The following TMEM106B variants were observed in gnomAD, a reference collection of about 807,000 sequenced individuals.
TMEM106B encodes transmembrane protein 106B.
In TMEM106B, 15 loss-of-function variants were observed where a neutral mutation model predicts 31.1. The observed-to-expected ratio is 0.48, with a 90% confidence interval of 0.32 to 0.74. The LOEUF (loss-of-function observed/expected upper bound fraction) is 0.74, where lower values mean the gene tolerates loss of function less well. Ranked by LOEUF, TMEM106B falls within the 30% of genes least tolerant of loss-of-function variation. The probability of loss-of-function intolerance (pLI) is 0.03; values close to 1 mark genes in which losing one functional copy is unlikely to be tolerated. For synonymous variants in TMEM106B, 126 were observed against 112.5 expected (o/e 1.12, Z -0.76); for missense variants, 283 against 327.3 (o/e 0.86, Z 1.04).
intron 4 of TMEM106B, among the ~76,000 whole-genome samples, chr7:12,228,395 T>G (rs1781947587): frequency 6.6e-6 from 1 of 151,960 alleles, no homozygotes; most frequent in South Asian, 2.1e-4. Flanking sequence ...AGTACTTATT[T>G]ATGTGCATCT....
intron 4 of TMEM106B, 73 bp downstream of exon 4, chr7:12,224,458 T>C: frequency 1.6e-6 from 2 of 1,265,806 alleles, no homozygotes; most frequent in Non-Finnish European, 2.2e-6. Flanking sequence ...TTGTCCCCAT[T>C]GAGAAGAGAT....
rs539583261 is a variant in TMEM106B at position 12,230,950 on chromosome 7, A to G, written c.633-112A>G. ...TTGAAGTATAGAAAATTCTCAACCA[A>G]CAAATGCTTATTATATTTCTTAGCA... On this transcript the variant is annotated intron_variant, in intron 6 of 7. Transcript: ENST00000396668. 1.7e-5 allele frequency: 12 copies of G among 695,628 alleles called. No individual in the cohort carries two copies. In the African/African-American group the frequency reaches 1.8e-4, roughly 11 times the overall value. 43.1% of individuals were successfully genotyped at this position (695,628 alleles called of 1,614,324 possible).
At position 12,243,122 on chromosome 7, in the gene TMEM106B, C is replaced by T. The variant is rs1195808685; in HGVS notation, c.*11147C>T. The T allele has an allele frequency of 6.6e-6, 1 of 151,654 alleles. No homozygotes were observed. The highest frequency in any genetic ancestry group is 1.5e-5 in the Non-Finnish European group (1 of 67,840). The allele number at this position is 151,654 out of a possible 1,614,324, so 9.4% of individuals were successfully genotyped here. ...ATTTATATAAATATTGTTACTTTACCACTAGTGATTTCAATAGTGGCATTG... is the reference window on the plus strand; with the variant it reads ...ATTTATATAAATATTGTTACTTTACTACTAGTGATTTCAATAGTGGCATTG... On this transcript the variant is annotated 3_prime_UTR_variant, in exon 8 of 8. Transcript: ENST00000396668.
chr7:12,232,176 T>A lies in TMEM106B; in HGVS notation c.*201T>A, dbSNP rs980427292. 2 of 392,796 alleles carry A rather than the reference T, an allele frequency of 5.1e-6. No individual in the cohort carries two copies. Among genetic ancestry groups the A allele is most frequent in the Admixed American group, 3.9e-5 (1 of 25,434 alleles). The allele number at this position is 392,796 out of a possible 1,614,324, so 24.3% of individuals were successfully genotyped here. A position where few individuals can be genotyped will look rare whatever the true frequency, so the allele number is the denominator to read the frequency against. Reference sequence around the variant, plus strand: ...ATGATATATTTGTACTAGGATCTTTTACTTGAATCTAAATTTACTGGTTGA... The same window carrying A: ...ATGATATATTTGTACTAGGATCTTTAACTTGAATCTAAATTTACTGGTTGA... On this transcript the variant is annotated 3_prime_UTR_variant, in exon 8 of 8. Transcript: ENST00000396668.
At position 12,237,812 on chromosome 7, in the gene TMEM106B, TACATACACACACACACACACACAC is replaced by T. The variant is rs1782168658; in HGVS notation, c.*5841_*5864del. 2 of 97,748 alleles carry T rather than the reference TACATACACACACACACACACACAC, an allele frequency of 2.0e-5. No individual in the cohort carries two copies. The highest frequency in any genetic ancestry group is 7.1e-4 in the South Asian group (2 of 2,830). The allele number at this position is 97,748 out of a possible 1,614,324, so 6.1% of individuals were successfully genotyped here. ...ATGGCGAGACCCCATATAAAATATA[TACATACACACACACACACACACAC>T]ACACACACACACACACACACTATTG... On this transcript the variant is annotated 3_prime_UTR_variant, in exon 8 of 8. Coordinates refer to ENST00000396668, the MANE Select transcript of TMEM106B (RefSeq NM_001134232.2).
At position 12,214,821 on chromosome 7, in the gene TMEM106B, C is replaced by G. The variant is rs759581407; in HGVS notation, c.11C>G (p.Ser4Cys). MGK[S>C]LSHLPLHSSK... ...TATTTTTCTTTAGACATGGGAAAGT[C>G]TCTTTCTCATTTGCCTTTGCATTCA... Residue 4 changes from serine (S) to cysteine (C), a missense_variant, in exon 2 of 8, where the codon TCT becomes TGT. By Grantham distance (112) the Ser-to-Cys change is moderately radical. Around this residue, in one of 3 missense-constraint regions of TMEM106B, gnomAD observed 77 missense variants for 89.4 expected, o/e 0.86. Transcript: ENST00000396668. 59 of 1,609,818 alleles carry G rather than the reference C, an allele frequency of 3.7e-5. No homozygotes were observed. In the South Asian group the frequency reaches 6.0e-4, roughly 16 times the overall value.
chr7:12,240,208 C>T lies in TMEM106B; in HGVS notation c.*8233C>T, dbSNP rs1040273164. 8 of 152,164 alleles carry T rather than the reference C, an allele frequency of 5.3e-5. No homozygotes were observed. Among genetic ancestry groups the T allele is most frequent in the African/African-American group, 1.9e-4 (8 of 41,434 alleles). 9.4% of individuals were successfully genotyped at this position (152,164 alleles called of 1,614,324 possible). A position where few individuals can be genotyped will look rare whatever the true frequency, so the allele number is the denominator to read the frequency against. On this transcript the variant is annotated 3_prime_UTR_variant, in exon 8 of 8. Coordinates refer to ENST00000396668, the MANE Select transcript of TMEM106B (RefSeq NM_001134232.2). ...AACAGTTCATTCCTTTATCCCTTCG[C>T]TCATTCTGTTCCTTTTTTCTTAGAA...
intron 3 of TMEM106B, among the ~76,000 whole-genome samples, chr7:12,221,263 A>G (rs545127541): frequency 6.6e-5 from 10 of 152,212 alleles, no homozygotes; most frequent in Non-Finnish European, 1.0e-4. Flanking sequence ...ACTTGAAAAC[A>G]TTGTGCTGTG....
At chr7:12,213,678 T>C (rs1052208867) in intron 1 of TMEM106B, among the ~76,000 whole-genome samples, 2 of 152,326 alleles carry the variant, frequency 1.3e-5, no homozygotes, top group African/African-American at 4.8e-5. Flanking sequence ...CATTATTTGT[T>C]TAAAAAAACA....
In TMEM106B at chr7:12,235,825, A is replaced by G. The variant is rs1782121637; in HGVS notation, c.*3850A>G. ...TTTGATAAGCAATAGGAATTGAATT[A>G]CAAGTTACTAGGGTTATAAGCAAAA... On this transcript the variant is annotated 3_prime_UTR_variant, in exon 8 of 8. Coordinates refer to ENST00000396668, the MANE Select transcript of TMEM106B (RefSeq NM_001134232.2). 6.6e-6 allele frequency: 1 copy of G among 151,916 alleles called. No homozygotes were observed. Among genetic ancestry groups the G allele is most frequent in the African/African-American group, 2.4e-5 (1 of 41,434 alleles). 9.4% of individuals were successfully genotyped at this position (151,916 alleles called of 1,614,324 possible). A position where few individuals can be genotyped will look rare whatever the true frequency, so the allele number is the denominator to read the frequency against.
In TMEM106B at chr7:12,231,821, C is replaced by T; in HGVS notation, c.687-16C>T. 1 of 1,582,342 alleles carries T rather than the reference C, an allele frequency of 6.3e-7. No homozygotes were observed. The highest frequency in any genetic ancestry group is 8.6e-7 in the Non-Finnish European group (1 of 1,158,178). The stretch of plus-strand genomic sequence containing the variant: ...TATAACTATTAAATGTCTCTCCTCA[C>T]TTACATTATTTTTAGAGTTACTGTG... On this transcript the variant is annotated splice_polypyrimidine_tract_variant and intron_variant, in intron 7 of 7. Coordinates refer to ENST00000396668, the MANE Select transcript of TMEM106B (RefSeq NM_001134232.2).
At chr7:12,221,087 A>AGTGTGTGTGTGTGTGTGTGTGTGT (rs71027479) in intron 3 of TMEM106B, among the ~76,000 whole-genome samples, 5 of 150,060 alleles carry the variant, frequency 3.3e-5, no homozygotes, top group African/African-American at 1.2e-4. Context: ...AAGCAAGTAA[A>AGTGTGTGTGTGTGTGTGTGTGTGT]GTGTGTGTGT....
Position 12,211,355 on chromosome 7 carries a change from G to C in TMEM106B, c.-73G>C, listed in dbSNP as rs1399260057. 1 of 152,338 alleles carries C rather than the reference G, an allele frequency of 6.6e-6. No individual in the cohort carries two copies. The highest frequency in any genetic ancestry group is 1.9e-4 in the East Asian group (1 of 5,180). 9.4% of individuals were successfully genotyped at this position (152,338 alleles called of 1,614,324 possible). On this transcript the variant is annotated 5_prime_UTR_variant, in exon 1 of 8. Coordinates refer to ENST00000396668, the MANE Select transcript of TMEM106B (RefSeq NM_001134232.2). Reference sequence around the variant, plus strand: ...CCACCCCCCGGCTCCCGGGACTGTGGACTCCACGACCCTGTCCTCGGCCCT... The same window carrying C: ...CCACCCCCCGGCTCCCGGGACTGTGCACTCCACGACCCTGTCCTCGGCCCT...
At chr7:12,221,918 A>T (rs1005343850) in intron 3 of TMEM106B, among the ~76,000 whole-genome samples, 2 of 152,226 alleles carry the variant, frequency 1.3e-5, no homozygotes, top group African/African-American at 4.8e-5. Flanking sequence ...AGCAGAGAGA[A>T]TAGTCCTCAG....
chr7:12,236,873 CA>C lies in TMEM106B; in HGVS notation c.*4899del, dbSNP rs1190695732. ...ATTTTTCTTTAGAACTAAACTATAA[CA>C]GATTTTGGAAAATGATTTGACGTGC... is the stretch of plus-strand genomic sequence containing the variant. On this transcript the variant is annotated 3_prime_UTR_variant, in exon 8 of 8. Transcript: ENST00000396668. 2.0e-5 allele frequency: 3 copies of C among 152,046 alleles called. No homozygotes were observed. Among genetic ancestry groups the C allele is most frequent in the African/African-American group, 7.2e-5 (3 of 41,440 alleles). The allele number at this position is 152,046 out of a possible 1,614,324, so 9.4% of individuals were successfully genotyped here.
intron 4 of TMEM106B, 95 bp from the exon 5 acceptor site, chr7:12,229,584 A>G (rs1781973941): frequency 9.6e-6 from 10 of 1,042,318 alleles, no homozygotes; most frequent in Admixed American, 3.2e-5. Context: ...TTCTTAATAA[A>G]TGAAGCATAG....
intron 2 of TMEM106B, chr7:12,215,806 T>A (rs977500163): frequency 5.8e-6 from 1 of 173,794 alleles, no homozygotes; most frequent in African/African-American, 2.4e-5. Context: ...AGAGGGATGG[T>A]ACGTGAAAAT....
At position 12,238,115 on chromosome 7, in the gene TMEM106B, C is replaced by G. The variant is rs547611792; in HGVS notation, c.*6140C>G. On this transcript the variant is annotated 3_prime_UTR_variant, in exon 8 of 8. Coordinates refer to ENST00000396668, the MANE Select transcript of TMEM106B (RefSeq NM_001134232.2). ...GGTAGGTCTTTTTTCAAAATTGGAG[C>G]CAGTCCTCTCAAACCCTGCCTCTGC... 3 of 152,682 alleles carry G rather than the reference C, an allele frequency of 2.0e-5. No individual in the cohort carries two copies. Among genetic ancestry groups the G allele is most frequent in the African/African-American group, 7.2e-5 (3 of 41,536 alleles). The allele number at this position is 152,682 out of a possible 1,614,324, so 9.5% of individuals were successfully genotyped here. A position where few individuals can be genotyped will look rare whatever the true frequency, so the allele number is the denominator to read the frequency against.
chr7:12,231,931 T>C lies in TMEM106B; in HGVS notation c.781T>C (p.Leu261=). The stretch of plus-strand genomic sequence containing the variant: ...CTGTGGAAGAAACACAACTTATCAG[T>C]TGGGGCAGTCTGAATATTTAAATGT... The part of the protein sequence containing the change: ...VDCGRNTTYQ[L]GQSEYLNVLQ... The change falls in exon 8 of 8, where the codon TTG becomes CTG. Residue 261 remains leucine, a synonymous_variant. Coordinates refer to ENST00000396668, the MANE Select transcript of TMEM106B (RefSeq NM_001134232.2). The C allele has an allele frequency of 1.2e-6, 2 of 1,612,348 alleles. No homozygotes were observed. Among genetic ancestry groups the C allele is most frequent in the Non-Finnish European group, 1.7e-6 (2 of 1,178,870 alleles).
Sources: allele counts gnomAD v4.1 joint callset (sites outside exome capture counted in the v4.1 genomes callset), GRCh38; gene constraint gnomAD v4.1.1; regional missense constraint gnomAD v4.1.1; transcripts MANE v1.5; gene names NCBI Gene and HGNC (gene_info 2026-07-23, HGNC 2026-07-21).